Variants in ZIM3 observed in about 807,000 individuals in gnomAD.
ZIM3 encodes the protein zinc finger imprinted 3.
In ZIM3, 11 loss-of-function variants were observed where a neutral mutation model predicts 12.9. The ratio of observed to expected loss-of-function variants is 0.85; its 90% confidence interval spans 0.54 to 1.41. The LOEUF (loss-of-function observed/expected upper bound fraction) is 1.41. Ranked by LOEUF, ZIM3 falls within the 40% of genes most tolerant of loss-of-function variation. The pLI is 0.00. For missense variants in ZIM3, 604 were observed against 557.2 expected (o/e 1.08, Z -0.85); for synonymous variants, 205 against 198.5 (o/e 1.03, Z -0.28).
At chr19:57,140,242 T>C (rs543680622) in intron 2 of ZIM3, among the ~76,000 whole-genome samples, 1 of 152,210 alleles carries the variant, frequency 6.6e-6, no homozygotes, top group Admixed American at 6.5e-5. Context: ...AGTGGCACAA[T>C]CTCGGCTCAC....
chr19:57,135,995 C>G lies in ZIM3; in HGVS notation c.342G>C (p.Thr114=), dbSNP rs141429282. 526 of 1,614,144 alleles carry G rather than the reference C, an allele frequency of 3.3e-4. No individual in the cohort carries two copies. The African/African-American group carries it at 6.2e-3, about 19-fold the overall frequency. ...VPSINKETLT[T]QKGVECDGSK... ...ATCCGTCACATTCTACACCTTTCTG[C>G]GTAGTCAGCGTTTCCTTATTGATTG... The change falls in exon 5 of 5, where the codon ACG becomes ACC. Residue 114 remains threonine (T), a synonymous_variant. Coordinates refer to ENST00000269834, the MANE Select transcript of ZIM3 (RefSeq NM_052882.1).
rs1044833173 is a variant in ZIM3, at chr19:57,135,240, T to A, written c.1097A>T (p.Asp366Val). 6.2e-7 allele frequency: 1 copy of A among 1,614,118 alleles called. No homozygotes were observed. Among genetic ancestry groups the A allele is most frequent in the Non-Finnish European group, 8.5e-7 (1 of 1,180,004 alleles). ...CTGGATAAAGGTATTTCCACATAGA[T>A]CACACTCATAAGCTCTCTTCCCAGT... ...IHTGKRAYEC[D>V]LCGNTFIQKK... is the part of the protein sequence containing the mutation. Residue 366 changes from aspartate to valine, a missense_variant, in exon 5 of 5, where the codon GAT becomes GTT. Asp to Val is a radical substitution (Grantham distance 152, BLOSUM62 -3). Coordinates refer to ENST00000269834, the MANE Select transcript of ZIM3 (RefSeq NM_052882.1).
chr19:57,138,611 A>G lies in ZIM3; in HGVS notation c.16-13T>C, dbSNP rs780214795. 2.4e-5 allele frequency: 38 copies of G among 1,613,824 alleles called. No individual in the cohort carries two copies. The highest frequency in any genetic ancestry group is 3.1e-5 in the Non-Finnish European group (37 of 1,179,752). On this transcript the variant is annotated splice_polypyrimidine_tract_variant and intron_variant, in intron 2 of 4. Coordinates refer to ENST00000269834, the MANE Select transcript of ZIM3 (RefSeq NM_052882.1). ...AGGTCACTCTTCCCTGTAACAACAG[A>G]TTCCCGATCAGTATAAAAATGCCAT... is the stretch of plus-strand genomic sequence containing the variant.
chr19:57,135,468 T>C lies in ZIM3; in HGVS notation c.869A>G (p.Gln290Arg). 6.2e-7 allele frequency: 1 copy of C among 1,614,212 alleles called. No homozygotes were observed. The highest frequency in any genetic ancestry group is 1.6e-4 in the Middle Eastern group (1 of 6,062). ...TTTATGTTGAATGAGGGTTGAGTTC[T>C]GCCTGAAGGATTTCTCACATTCATT... ...QCNECEKSFR[Q>R]NSTLIQHKKV... is the part of the protein sequence containing the mutation. The change falls in exon 5 of 5, where the codon CAG (glutamine) becomes CGG (arginine). Residue 290 changes from glutamine (Q) to arginine (R), a missense_variant. Transcript: ENST00000269834.
Position 57,134,763 on chromosome 19 carries a change from A to T in ZIM3, c.*155T>A, listed in dbSNP as rs752966167. The T allele has an allele frequency of 5.9e-6, 4 of 675,344 alleles. No individual in the cohort carries two copies. The highest frequency in any genetic ancestry group is 9.9e-6 in the Non-Finnish European group (4 of 402,318). The allele number at this position is 675,344 out of a possible 1,614,324, so 41.8% of individuals were successfully genotyped here. Reference sequence around the variant, plus strand: ...ATACTTAATAAACATTTGCTGAGTGAGTATGCCGAATGGGTTTTCAAAGGA... The same window carrying T: ...ATACTTAATAAACATTTGCTGAGTGTGTATGCCGAATGGGTTTTCAAAGGA... On this transcript the variant is annotated 3_prime_UTR_variant, in exon 5 of 5. Transcript: ENST00000269834.
chr19:57,140,288 T>C (rs1280141619), intron 2 of ZIM3, among the ~76,000 whole-genome samples: 3 of 152,082 alleles, frequency 2.0e-5, no homozygotes, highest in Admixed American at 1.3e-4. Context: ...GCGATTCTCC[T>C]GCCTCAGCCT....
At position 57,136,052 on chromosome 19, in the gene ZIM3, A is replaced by G. The variant is rs1488733567; in HGVS notation, c.285T>C (p.Asp95=). 1.2e-6 allele frequency: 2 copies of G among 1,613,380 alleles called. No individual in the cohort carries two copies. Among genetic ancestry groups the G allele is most frequent in the South Asian group, 1.1e-5 (1 of 90,964 alleles). ...CTTCTCTTGCGAGACTCTCTTTCAC[A>G]TCCTTTGGCTTCCAAATCTGCCCTC... The part of the protein sequence containing the change: ...DIGGQIWKPK[D]VKESLAREVP... The change falls in exon 5 of 5, where the codon GAT becomes GAC. Residue 95 remains aspartate (D), a synonymous_variant. Coordinates refer to ENST00000269834, the MANE Select transcript of ZIM3 (RefSeq NM_052882.1).
Position 57,137,898 on chromosome 19 carries a change from GGAAA to G in ZIM3, c.142+570_142+573del, listed in dbSNP as rs758135953. 6.5e-3 allele frequency among the ~76,000 whole-genome samples: 360 copies of G among 55,232 alleles called. 21 individuals carry two copies. The highest frequency in any genetic ancestry group is 0.01 in the Middle Eastern group (1 of 98). The allele number at this position is 55,232 out of a possible 152,430, so 36.2% of individuals were successfully genotyped here. On this transcript the variant is annotated intron_variant, in intron 3 of 4. Coordinates refer to ENST00000269834, the MANE Select transcript of ZIM3 (RefSeq NM_052882.1). The stretch of plus-strand genomic sequence containing the variant: ...AGGAAGGAAGGAAGGAAAGAAGGAA[GGAAA>G]GAAGGAAGGAAGGAAGGAAAGAAGG...
At position 57,135,155 on chromosome 19, in the gene ZIM3, G is replaced by A. The variant is rs1232228714; in HGVS notation, c.1182C>T (p.Asn394=). The A allele has an allele frequency of 6.2e-7, 1 of 1,614,110 alleles. No individual in the cohort carries two copies. Among genetic ancestry groups the A allele is most frequent in the Non-Finnish European group, 8.5e-7 (1 of 1,180,016 alleles). ...IHTGEKPYEC[N]RCGKAFFQKS... ...TCTGAAAGAAGGCTTTTCCACATCTGTTACATTCATAGGGCTTTTCCCCAG... is the reference window on the plus strand; with the variant it reads ...TCTGAAAGAAGGCTTTTCCACATCTATTACATTCATAGGGCTTTTCCCCAG... The change falls in exon 5 of 5, where the codon AAC becomes AAT. Residue 394 remains asparagine (N), a synonymous_variant. Transcript: ENST00000269834.
chr19:57,143,789 C>A (rs963042269), intron 1 of ZIM3, among the ~76,000 whole-genome samples: 3 of 151,678 alleles, frequency 2.0e-5, no homozygotes, highest in Non-Finnish European at 4.4e-5. Flanking sequence ...GATTCCCCTG[C>A]CTCAGCCTCC....
In ZIM3 at chr19:57,140,246, G is replaced by A. The variant is rs370100460; in HGVS notation, c.16-1648C>T. On this transcript the variant is annotated intron_variant, in intron 2 of 4. Coordinates refer to ENST00000269834, the MANE Select transcript of ZIM3 (RefSeq NM_052882.1). ...GGCTGGAGTGCAGTGGCACAATCTC[G>A]GCTCACTGCAACCTCCACCTCCTGG... Among the ~76,000 whole-genome samples the A allele has an allele frequency of 1.3e-3, 200 of 152,048 alleles. No individual in the cohort carries two copies. In the South Asian group the frequency reaches 0.019, roughly 14 times the overall value.
intron 2 of ZIM3, among the ~76,000 whole-genome samples, chr19:57,141,742 A>C (rs1439591570): frequency 1.3e-5 from 2 of 150,688 alleles, no homozygotes; most frequent in Non-Finnish European, 3.0e-5. Context: ...TAATCCCAGC[A>C]ACTCAGGAGG....
intron 4 of ZIM3, among the ~76,000 whole-genome samples, 198 bp from the exon 5 acceptor site, chr19:57,136,293 G>A (rs547096110): frequency 8.5e-5 from 13 of 152,114 alleles, no homozygotes; most frequent in Non-Finnish European, 4.4e-5. Context: ...TGTCTGTAAA[G>A]GACTGAGCAA....
At chr19:57,139,813 C>T (rs2086905803) in intron 2 of ZIM3, among the ~76,000 whole-genome samples, 1 of 152,180 alleles carries the variant, frequency 6.6e-6, no homozygotes, top group Non-Finnish European at 1.5e-5. Context: ...CTATTTTCCA[C>T]AGTCGACATT....
At position 57,137,900 on chromosome 19, in the gene ZIM3, A is replaced by T. The variant is rs1343648240; in HGVS notation, c.142+572T>A. Reference sequence around the variant, plus strand: ...GAAGGAAGGAAGGAAAGAAGGAAGGAAAGAAGGAAGGAAGGAAGGAAAGAA... The same window carrying T: ...GAAGGAAGGAAGGAAAGAAGGAAGGTAAGAAGGAAGGAAGGAAGGAAAGAA... On this transcript the variant is annotated intron_variant, in intron 3 of 4. Coordinates refer to ENST00000269834, the MANE Select transcript of ZIM3 (RefSeq NM_052882.1). Among the ~76,000 whole-genome samples the T allele has an allele frequency of 1.9e-3, 98 of 52,582 alleles. 1 individual carries two copies. Among genetic ancestry groups the T allele is most frequent in the Non-Finnish European group, 2.7e-3 (73 of 27,044 alleles). The allele number at this position is 52,582 out of a possible 152,430, so 34.5% of individuals were successfully genotyped here. A position where few individuals can be genotyped will look rare whatever the true frequency, so the allele number is the denominator to read the frequency against.
chr19:57,142,165 A>G lies in ZIM3; in HGVS notation c.15+464T>C, dbSNP rs1332090002. 3.3e-5 allele frequency among the ~76,000 whole-genome samples: 4 copies of G among 121,708 alleles called. No homozygotes were observed. The East Asian group carries it at 7.4e-4, about 23-fold the overall frequency. 79.8% of individuals were successfully genotyped at this position (121,708 alleles called of 152,430 possible). The stretch of plus-strand genomic sequence containing the variant: ...AGCTTTTTTTTTTTTTTTTTTTGAG[A>G]CAGGGTCATGCTCTGTCACCCAGGC... On this transcript the variant is annotated intron_variant, in intron 2 of 4. Coordinates refer to ENST00000269834, the MANE Select transcript of ZIM3 (RefSeq NM_052882.1).
In ZIM3 at chr19:57,136,210, C is replaced by T. The variant is rs79579333; in HGVS notation, c.242-115G>A. On this transcript the variant is annotated intron_variant, in intron 4 of 4. Transcript: ENST00000269834. ...ATTCTGGCTTCAAACCTAATGTCTA[C>T]GAGAAACCAAAGTTAATATAAGCTC... 195 of 942,478 alleles carry T rather than the reference C, an allele frequency of 2.1e-4. No homozygotes were observed. The East Asian group carries it at 3.7e-3, about 18-fold the overall frequency. The allele number at this position is 942,478 out of a possible 1,614,324, so 58.4% of individuals were successfully genotyped here. A position where few individuals can be genotyped will look rare whatever the true frequency, so the allele number is the denominator to read the frequency against.
At chr19:57,143,905 A>C (rs2086926194) in intron 1 of ZIM3, among the ~76,000 whole-genome samples, 1 of 151,928 alleles carries the variant, frequency 6.6e-6, no homozygotes, top group Non-Finnish European at 1.5e-5. Flanking sequence ...CGAGCTGCTG[A>C]TCTCAAGTGA....
intron 1 of ZIM3, among the ~76,000 whole-genome samples, chr19:57,143,091 G>A (rs1302084922): frequency 6.6e-6 from 1 of 152,120 alleles, no homozygotes; most frequent in Non-Finnish European, 1.5e-5. Context: ...ACTTTGGGAG[G>A]CCGAGGCAGG....
Sources: gnomAD v4.1 joint callset for allele counts (sites outside exome capture counted in the v4.1 genomes callset) on GRCh38, gnomAD v4.1.1 for gene constraint, MANE v1.5 for transcripts, NCBI Gene and HGNC (gene_info 2026-07-23, HGNC 2026-07-21) for gene names.